The following COL19A1 variants were observed in gnomAD, a reference collection of about 807,000 sequenced individuals.
COL19A1 encodes the protein collagen alpha-1(XIX) chain.
Under a neutral mutation model 190.2 loss-of-function variants are expected in COL19A1, and 159 were observed. The ratio of observed to expected loss-of-function variants is 0.84; its 90% CI spans 0.73 to 0.95. The LOEUF is 0.95. Among genes scored for constraint, COL19A1 ranks in the 40% least tolerant of loss-of-function variants. The pLI is 0.00. For missense variants in COL19A1, 1,418 were observed against 1,431.9 expected (o/e 0.99, Z 0.16); for synonymous variants, 509 against 458.9 (o/e 1.11, Z -1.39).
intron 4 of COL19A1, among the ~76,000 whole-genome samples, chr6:69,919,283 T>G (rs1393208715): frequency 1.3e-5 from 2 of 152,216 alleles, no homozygotes; most frequent in Non-Finnish European, 2.9e-5. Flanking sequence ...ACCGACTTTT[T>G]GGGACTATCT....
intron 40 of COL19A1, among the ~76,000 whole-genome samples, chr6:70,171,616 A>G (rs759175725): frequency 6.6e-6 from 1 of 152,174 alleles, no homozygotes; most frequent in Non-Finnish European, 1.5e-5. Flanking sequence ...AGCACCAGGT[A>G]GCTCACAAAT....
chr6:70,005,529 C>G lies in COL19A1; in HGVS notation c.1027-18098C>G, dbSNP rs543430757. Among the ~76,000 whole-genome samples, 13 of 152,284 alleles carry G rather than the reference C, an allele frequency of 8.5e-5. 1 individual carries two copies. The East Asian group carries it at 2.5e-3, about 29-fold the overall frequency. ...GGAGAACAACAAAGATGGGTGTCTG[C>G]TCCTTCTTCTGGGATCTCTGACTTC... On this transcript the variant is annotated intron_variant, in intron 11 of 50. Coordinates refer to ENST00000620364, the MANE Select transcript of COL19A1 (RefSeq NM_001858.6).
At chr6:70,067,635 TG>T (rs1392672096) in intron 14 of COL19A1, among the ~76,000 whole-genome samples, 1 of 152,002 alleles carries the variant, frequency 6.6e-6, no homozygotes, top group Non-Finnish European at 1.5e-5. Context: ...CCCACAGATG[TG>T]TGAGATCAAT....
At chr6:69,935,271 T>C (rs1773022434) in intron 7 of COL19A1, among the ~76,000 whole-genome samples, 1 of 152,094 alleles carries the variant, frequency 6.6e-6, no homozygotes, top group African/African-American at 2.4e-5. Context: ...GAGTCCTTAC[T>C]TGTATGTTTG....
chr6:70,055,426 TCTAG>T (rs757875866), intron 14 of COL19A1, among the ~76,000 whole-genome samples: 32 of 152,056 alleles, frequency 2.1e-4, no homozygotes, highest in Non-Finnish European at 4.1e-4. Flanking sequence ...AACCTAGATG[TCTAG>T]CTACAGATGA....
rs149081797 is a variant in COL19A1, at chr6:70,009,766, G to T, written c.1027-13861G>T. Among the ~76,000 whole-genome samples the T allele has an allele frequency of 7.2e-5, 11 of 152,212 alleles. No homozygotes were observed. The East Asian group carries it at 1.9e-3, about 27-fold the overall frequency. ...AAATAGACAAATGGGAAATAATAGA[G>T]TCAAAATGTAAACCCACATATATCT... On this transcript the variant is annotated intron_variant, in intron 11 of 50. Coordinates refer to ENST00000620364, the MANE Select transcript of COL19A1 (RefSeq NM_001858.6).
intron 16 of COL19A1, among the ~76,000 whole-genome samples, chr6:70,114,207 G>A (rs893338081): frequency 3.9e-5 from 6 of 152,118 alleles, no homozygotes; most frequent in African/African-American, 1.4e-4. Context: ...GGCCCTTAGT[G>A]ATTGTATACC....
chr6:70,163,259 G>T, intron 35 of COL19A1, 84 bp from the exon 36 acceptor site: 1 of 1,217,856 alleles, frequency 8.2e-7, no homozygotes, highest in Non-Finnish European at 1.2e-6. Context: ...CCTTCAAAAT[G>T]TGTAAGTTTT....
At chr6:70,053,857 C>T (rs1481088069) in intron 14 of COL19A1, among the ~76,000 whole-genome samples, 4 of 152,062 alleles carry the variant, frequency 2.6e-5, no homozygotes, top group African/African-American at 7.2e-5. Flanking sequence ...CCAAAATTAG[C>T]CATATTGTTA....
chr6:69,927,824 T>C, intron 4 of COL19A1, 85 bp from the exon 5 acceptor site: 1 of 1,452,280 alleles, frequency 6.9e-7, no homozygotes, highest in Non-Finnish European at 9.3e-7. Flanking sequence ...ACTGAGATAT[T>C]GTGTTACACA....
intron 49 of COL19A1, among the ~76,000 whole-genome samples, chr6:70,202,697 A>G (rs1052889280): frequency 3.3e-5 from 5 of 152,188 alleles, no homozygotes; most frequent in Non-Finnish European, 1.5e-5. Context: ...TTCATATTGA[A>G]AAAAGGAAGA....
intron 17 of COL19A1, among the ~76,000 whole-genome samples, chr6:70,123,628 A>T (rs1213351729): frequency 7.7e-6 from 1 of 130,650 alleles, no homozygotes; most frequent in Non-Finnish European, 1.6e-5. Flanking sequence ...CTATGCAGCC[A>T]TAAAAAATGA....
chr6:70,089,197 C>G (rs1782757254), intron 15 of COL19A1, among the ~76,000 whole-genome samples: 1 of 152,038 alleles, frequency 6.6e-6, no homozygotes, highest in African/African-American at 2.4e-5. Flanking sequence ...GGTAAAAATA[C>G]TTTATTATGT....
At chr6:69,952,983 T>G (rs111287838) in intron 9 of COL19A1, among the ~76,000 whole-genome samples, 9 of 152,138 alleles carry the variant, frequency 5.9e-5, no homozygotes, top group African/African-American at 2.2e-4. Context: ...GCTAGAGAAT[T>G]TTAAGCCATT....
At chr6:69,924,512 C>T (rs903419614) in intron 4 of COL19A1, among the ~76,000 whole-genome samples, 7 of 152,030 alleles carry the variant, frequency 4.6e-5, no homozygotes, top group African/African-American at 1.5e-4. Flanking sequence ...TTGATGGACA[C>T]GTGGGTTGGT....
At chr6:70,172,477 G>C (rs1765555925) in intron 41 of COL19A1, among the ~76,000 whole-genome samples, 1 of 152,130 alleles carries the variant, frequency 6.6e-6, no homozygotes, top group Admixed American at 6.5e-5. Flanking sequence ...TCAGAGAGGT[G>C]GGGGTGGAGG....
At chr6:70,136,828 A>C (rs1345463784) in intron 18 of COL19A1, among the ~76,000 whole-genome samples, 1 of 152,150 alleles carries the variant, frequency 6.6e-6, no homozygotes, top group East Asian at 1.9e-4. Context: ...GGTAGGCAAA[A>C]ACGGTATATG....
chr6:69,931,870 A>G (rs964568900), intron 6 of COL19A1, among the ~76,000 whole-genome samples: 3 of 151,708 alleles, frequency 2.0e-5, no homozygotes, highest in Non-Finnish European at 4.4e-5. Context: ...TTTTGCTTTT[A>G]AAGTTGGAGT....
At chr6:70,151,307 G>A in intron 30 of COL19A1, 90 bp from the exon 31 acceptor site, 1 of 1,288,182 alleles carries the variant, frequency 7.8e-7, no homozygotes, top group Non-Finnish European at 1.1e-6. Flanking sequence ...ATGGCATTTT[G>A]AGGAAAAATG....
Sources: allele counts gnomAD v4.1 joint callset (sites outside exome capture counted in the v4.1 genomes callset), GRCh38; gene constraint gnomAD v4.1.1; transcripts MANE v1.5; gene names NCBI Gene and HGNC (gene_info 2026-07-23, HGNC 2026-07-21).